Variants in E2F8 observed in about 807,000 individuals in gnomAD.
E2F8 encodes E2F transcription factor 8.
In E2F8, 35 loss-of-function variants were observed where a neutral mutation model predicts 80.8. That is an observed-to-expected ratio of 0.43 (90% confidence interval 0.33 to 0.57). The LOEUF is 0.57. Ranked by LOEUF, E2F8 falls within the 20% of genes least tolerant of loss-of-function variation. E2F8 has a pLI of 0.04. For missense variants in E2F8, 975 were observed against 1,056.2 expected (o/e 0.92, Z 1.07); for synonymous variants, 386 against 395.0 (o/e 0.98, Z 0.27).
rs1851623313 is a variant in E2F8, at chr11:19,240,219, A to G, written c.-98T>C. 2.9e-6 allele frequency: 2 copies of G among 698,652 alleles called. No individual in the cohort carries two copies. The highest frequency in any genetic ancestry group is 3.0e-5 in the East Asian group (1 of 32,994). 43.3% of individuals were successfully genotyped at this position (698,652 alleles called of 1,614,324 possible). On this transcript the variant is annotated 5_prime_UTR_variant, in exon 2 of 13. Coordinates refer to ENST00000250024, the MANE Select transcript of E2F8 (RefSeq NM_024680.4). ...AAGTAGTCCAATCAATTGTACTAAAAGTTTTAATATCCTTAAAGAAAAAAG... is the reference window on the plus strand; with the variant it reads ...AAGTAGTCCAATCAATTGTACTAAAGGTTTTAATATCCTTAAAGAAAAAAG...
At chr11:19,225,082 G>A (rs989413505) in intron 12 of E2F8, 139 bp downstream of exon 12, 1 of 1,317,094 alleles carries the variant, frequency 7.6e-7, no homozygotes, top group African/African-American at 1.5e-5. Context: ...GGTTCTGGAA[G>A]AAACATAGGC....
intron 10 of E2F8, among the ~76,000 whole-genome samples, chr11:19,227,895 C>T (rs1443212188): frequency 6.6e-6 from 1 of 152,150 alleles, no homozygotes; most frequent in Non-Finnish European, 1.5e-5. Context: ...CGAGACCAGG[C>T]TGAGCAACAT....
intron 8 of E2F8, 67 bp from the exon 9 acceptor site, chr11:19,230,395 C>T: frequency 2.7e-6 from 4 of 1,495,650 alleles, no homozygotes; most frequent in South Asian, 1.2e-5. Context: ...CAGATGAAAC[C>T]TCACTGAAGT....
In E2F8 at chr11:19,231,038, C is replaced by T. The variant is rs185364735; in HGVS notation, c.1067-204G>A. 2.0e-5 allele frequency among the ~76,000 whole-genome samples: 3 copies of T among 152,308 alleles called. No individual in the cohort carries two copies. In the East Asian group the frequency reaches 5.8e-4, roughly 29 times the overall value. ...CACAATATTTCCTACATTAGCATTTCTGAAACTGCACTATATCTTATAACC... is the reference window on the plus strand; with the variant it reads ...CACAATATTTCCTACATTAGCATTTTTGAAACTGCACTATATCTTATAACC... On this transcript the variant is annotated intron_variant, in intron 7 of 12. Coordinates refer to ENST00000250024, the MANE Select transcript of E2F8 (RefSeq NM_024680.4).
chr11:19,225,908 G>A, intron 10 of E2F8, 44 bp from the exon 11 acceptor site: 3 of 1,585,460 alleles, frequency 1.9e-6, no homozygotes, highest in Non-Finnish European at 1.7e-6. Flanking sequence ...ACAAATACAG[G>A]AAGAAAAATG....
At chr11:19,237,770 T>C in intron 3 of E2F8, 84 bp downstream of exon 3, 1 of 1,512,146 alleles carries the variant, frequency 6.6e-7, no homozygotes, top group East Asian at 2.3e-5. Flanking sequence ...ATGCTTTAAA[T>C]TGCTGGCACT....
rs1055044018 is a variant in E2F8 at position 19,229,666 on chromosome 11, C to T, written c.1681G>A (p.Ala561Thr). ...KATGSKDSTD[A>T]TTEKAANDTS... ...TCATTGGCTGCCTTCTCAGTGGTGG[C>T]ATCTGTGGAGTCTTTTGAGCCAGTA... The change falls in exon 10 of 13, where the codon GCC (alanine) becomes ACC (threonine). Residue 561 changes from alanine to threonine, a missense_variant. Coordinates refer to ENST00000250024, the MANE Select transcript of E2F8 (RefSeq NM_024680.4). The surrounding 1 kb of genome is among the most constrained non-coding windows in gnomAD (Gnocchi z 4.3). 6.2e-7 allele frequency: 1 copy of T among 1,614,200 alleles called. No homozygotes were observed. The highest frequency in any genetic ancestry group is 1.3e-5 in the African/African-American group (1 of 75,040).
chr11:19,226,583 TATAA>T (rs1162862711), intron 10 of E2F8, among the ~76,000 whole-genome samples: 3 of 152,240 alleles, frequency 2.0e-5, no homozygotes, highest in Non-Finnish European at 2.9e-5. Context: ...TGCCTGTTTT[TATAA>T]ATAAAGTTTC....
intron 4 of E2F8, among the ~76,000 whole-genome samples, chr11:19,236,958 ACCATTTATCAG>A (rs547612743): frequency 1.1e-3 from 173 of 152,352 alleles, no homozygotes; most frequent in Non-Finnish European, 1.8e-3. Flanking sequence ...TAGGAAGATA[ACCATTTATCAG>A]CCTGATTCTT....
chr11:19,237,083 G>A (rs1311543387), intron 4 of E2F8, among the ~76,000 whole-genome samples: 8 of 152,236 alleles, frequency 5.3e-5, no homozygotes, highest in Non-Finnish European at 1.2e-4. Flanking sequence ...AGAGACAACT[G>A]TAGTCAGAAG....
At chr11:19,233,977 G>A (rs909441313) in intron 6 of E2F8, among the ~76,000 whole-genome samples, 1 of 150,818 alleles carries the variant, frequency 6.6e-6, no homozygotes, top group African/African-American at 2.4e-5. Context: ...GTGAAACCCC[G>A]TCTCCACTAA....
chr11:19,232,393 C>T, intron 6 of E2F8, 22 bp from the exon 7 acceptor site: 2 of 1,586,036 alleles, frequency 1.3e-6, no homozygotes, highest in South Asian at 2.3e-5. Context: ...AGTATATATA[C>T]CACTTAATGG....
rs540324119 is a variant in E2F8, at chr11:19,229,279, C to A, written c.1893+175G>T. 2.1e-4 allele frequency among the ~76,000 whole-genome samples: 32 copies of A among 152,300 alleles called. No homozygotes were observed. Among genetic ancestry groups the A allele is most frequent in the African/African-American group, 7.5e-4 (31 of 41,574 alleles). ...CCTCCAAAGGTTAAAAATGTCCCTG[C>A]CTTCATCCCAGCCAGGGGATTAGCT... is the stretch of plus-strand genomic sequence containing the variant. On this transcript the variant is annotated intron_variant, in intron 10 of 12. Coordinates refer to ENST00000250024, the MANE Select transcript of E2F8 (RefSeq NM_024680.4). The surrounding 1 kb of genome is among the most constrained non-coding windows in gnomAD (Gnocchi z 4.3).
At chr11:19,230,037 G>C (rs953227639) in intron 9 of E2F8, 49 bp from the exon 10 acceptor site, 3 of 1,604,560 alleles carry the variant, frequency 1.9e-6, no homozygotes, top group Non-Finnish European at 1.7e-6. Context: ...CATTTTTTCT[G>C]AACTGTTCTA....
In E2F8 at chr11:19,225,386, G is replaced by C; in HGVS notation, c.2256C>G (p.Ala752=). Residue 752 remains alanine (A), a synonymous_variant, in exon 12 of 13, where the codon GCC becomes GCG. Transcript: ENST00000250024. ...CAGGAACGATTCCAGACCCAGGGCT[G>C]GCAGACAACTGCACATTGGGTGAGA... is the stretch of plus-strand genomic sequence containing the variant. ...GLISPNVQLS[A]SPGSGIVPVS... The C allele has an allele frequency of 1.9e-6, 3 of 1,614,146 alleles. No individual in the cohort carries two copies. The highest frequency in any genetic ancestry group is 2.5e-6 in the Non-Finnish European group (3 of 1,180,034).
At chr11:19,231,810 G>C (rs1431734289) in intron 7 of E2F8, among the ~76,000 whole-genome samples, 1 of 152,164 alleles carries the variant, frequency 6.6e-6, no homozygotes, top group Non-Finnish European at 1.5e-5. Context: ...TTAGCTGATG[G>C]AGCCAGTAGC....
rs745397481 is a variant in E2F8, at chr11:19,224,718, G to A, written c.2544C>T (p.Ser848=). Residue 848 remains serine, a synonymous_variant, in exon 13 of 13, where the codon TCC becomes TCT. Transcript: ENST00000250024. ...CMDFEGANKT[S]LGTLFVPQRK... is the part of the protein sequence containing the mutation. ...GCTGTGGGACAAAGAGAGTTCCTAA[G>A]GAGGTTTTATTAGCACCCTCAAAAT... The A allele has an allele frequency of 6.2e-7, 1 of 1,614,212 alleles. No homozygotes were observed. The highest frequency in any genetic ancestry group is 2.2e-5 in the East Asian group (1 of 44,888).
chr11:19,240,166 G>A lies in E2F8; in HGVS notation c.-45C>T. On this transcript the variant is annotated 5_prime_UTR_variant, in exon 2 of 13. Coordinates refer to ENST00000250024, the MANE Select transcript of E2F8 (RefSeq NM_024680.4). ...TTTAGAGTTTAAAAATGAAAAATCT[G>A]GAGTTCCTCCCCAAATCCCGATGGT... 1 of 1,399,606 alleles carries A rather than the reference G, an allele frequency of 7.1e-7. No individual in the cohort carries two copies. Among genetic ancestry groups the A allele is most frequent in the Non-Finnish European group, 9.6e-7 (1 of 1,040,934 alleles). The allele number at this position is 1,399,606 out of a possible 1,614,324, so 86.7% of individuals were successfully genotyped here.
chr11:19,226,584 A>G (rs1851242238), intron 10 of E2F8, among the ~76,000 whole-genome samples: 1 of 152,242 alleles, frequency 6.6e-6, no homozygotes. Context: ...GCCTGTTTTT[A>G]TAAATAAAGT....
Sources: gnomAD v4.1 joint callset for allele counts (sites outside exome capture counted in the v4.1 genomes callset) on GRCh38, gnomAD v4.1.1 for gene constraint, Gnocchi (gnomAD v3.1) non-coding constraint, MANE v1.5 for transcripts, NCBI Gene and HGNC (gene_info 2026-07-23, HGNC 2026-07-21) for gene names.